The following CLN3 variants were observed in gnomAD, a reference collection of about 807,000 sequenced individuals.
CLN3 encodes CLN3 lysosomal/endosomal transmembrane protein, battenin.
CLN3 carries 49 observed loss-of-function variants against 60.7 expected under a neutral mutation model. The ratio of observed to expected loss-of-function variants is 0.81; its 90% CI spans 0.64 to 1.02. The LOEUF is 1.02. CLN3 is among the 50% of genes least tolerant of loss of function. The pLI, the probability that CLN3 is intolerant of heterozygous loss-of-function variation, is 0.00. For missense variants in CLN3, 516 were observed against 557.4 expected (o/e 0.93, Z 0.75); for synonymous variants, 256 against 245.8 (o/e 1.04, Z -0.39).
At chr16:28,491,649 C>G in intron 2 of CLN3, 65 bp downstream of exon 2, 1 of 1,613,940 alleles carries the variant, frequency 6.2e-7, no homozygotes, top group Non-Finnish European at 8.5e-7. Context: ...AGTCAGCTCT[C>G]ATTCCCCTCA....
intron 9 of CLN3, 29 bp downstream of exon 9, chr16:28,486,318 C>A (rs1243854619): frequency 6.2e-7 from 1 of 1,610,930 alleles, no homozygotes. Context: ...TCCTTGGACC[C>A]CTCTCCCTCC....
rs748293490 is a variant in CLN3, at chr16:28,487,709, G to A, written c.327C>T (p.Leu109=). 1.2e-5 allele frequency: 19 copies of A among 1,613,756 alleles called. No individual in the cohort carries two copies. The highest frequency in any genetic ancestry group is 4.4e-5 in the South Asian group (4 of 91,048). Residue 109 remains leucine, a synonymous_variant, in exon 6 of 16, where the codon CTC becomes CTT. Coordinates refer to ENST00000636147, the MANE Select transcript of CLN3 (RefSeq NM_001042432.2). The stretch of plus-strand genomic sequence containing the variant: ...CAAGAGGAGCCAACAATTTGATGAC[G>A]AGTGTGGGGAGGATGTCCGCCAGGA... ...AVLLADILPT[L]VIKLLAPLGL... is the part of the protein sequence containing the mutation.
At chr16:28,474,655 C>T (rs895878332), downstream of CLN3, among the ~76,000 whole-genome samples, 3 of 152,154 alleles carry the variant, frequency 2.0e-5, no homozygotes, top group Non-Finnish European at 4.4e-5. Context: ...ACAAAATTAC[C>T]ATCAACCCAG....
At chr16:28,474,214 C>A (rs1188576663), downstream of CLN3, 1 of 152,026 alleles carries the variant, frequency 6.6e-6, no homozygotes, top group East Asian at 1.9e-4. Flanking sequence ...CTGCAGTGAG[C>A]AGAGACTGCG....
downstream of CLN3, chr16:28,476,397 T>C (rs1361346910): frequency 1.3e-5 from 2 of 149,082 alleles, no homozygotes; most frequent in African/African-American, 4.9e-5. Context: ...AAAAAAAAAA[T>C]TAGCTGGGCT....
rs1444327872 is a variant in CLN3, at chr16:28,486,765, C to T, written c.461-115G>A. ...TCAGCTCATAGAGGCTCCAATAGAT[C>T]CCATGCATAGGCCAGGTTCCAGGTC... On this transcript the variant is annotated intron_variant, in intron 7 of 15. Coordinates refer to ENST00000636147, the MANE Select transcript of CLN3 (RefSeq NM_001042432.2). 18 of 1,002,448 alleles carry T rather than the reference C, an allele frequency of 1.8e-5. 1 individual carries two copies. In the Admixed American group the frequency reaches 3.6e-4, roughly 20 times the overall value. 62.1% of individuals were successfully genotyped at this position (1,002,448 alleles called of 1,614,324 possible).
intron 14 of CLN3, among the ~76,000 whole-genome samples, chr16:28,478,530 T>C (rs906597579): frequency 8.8e-5 from 13 of 148,268 alleles, no homozygotes; most frequent in African/African-American, 3.0e-4. Context: ...ACAGGAGGAT[T>C]GCTTGAACCT....
At chr16:28,483,349 G>A (rs748170062) in intron 10 of CLN3, among the ~76,000 whole-genome samples, 2 of 151,836 alleles carry the variant, frequency 1.3e-5, no homozygotes, top group Non-Finnish European at 2.9e-5. Context: ...AGCTTCCCAA[G>A]TAGCTGGGAC....
intron 9 of CLN3, 66 bp downstream of exon 9, chr16:28,486,281 C>T: frequency 6.2e-7 from 1 of 1,601,050 alleles, no homozygotes; most frequent in Non-Finnish European, 8.5e-7. Context: ...CGTGAGCCAC[C>T]ACACCCAGCC....
rs1266595846 is a variant in CLN3, at chr16:28,489,335, G to T, written c.177C>A (p.Ala59=). The T allele has an allele frequency of 6.2e-7, 1 of 1,613,626 alleles. No homozygotes were observed. The highest frequency in any genetic ancestry group is 1.1e-5 in the South Asian group (1 of 90,924). ...TCCTCTTGTGGCTAAGGATGTCGTGGGCGGCACTCAGCATCACCACATAAG... is the reference window on the plus strand; with the variant it reads ...TCCTCTTGTGGCTAAGGATGTCGTGTGCGGCACTCAGCATCACCACATAAG... ...NFSYVVMLSA[A]HDILSHKRTS... Residue 59 remains alanine, a synonymous_variant, in exon 4 of 16, where the codon GCC becomes GCA. Coordinates refer to ENST00000636147, the MANE Select transcript of CLN3 (RefSeq NM_001042432.2).
chr16:28,476,593 T>G (rs2045998796), downstream of CLN3: 1 of 152,082 alleles, frequency 6.6e-6, no homozygotes, highest in Middle Eastern at 3.2e-3. Flanking sequence ...GTGCCAACCC[T>G]GCCATTCATT....
intron 9 of CLN3, 95 bp downstream of exon 9, chr16:28,486,252 A>G (rs1221247166): frequency 9.7e-6 from 15 of 1,549,882 alleles, no homozygotes; most frequent in African/African-American, 5.4e-5. Flanking sequence ...TTGGCCTCCC[A>G]AAGTGCTGGG....
chr16:28,481,417 A>AACACACATAC (rs1443738755), intron 14 of CLN3, among the ~76,000 whole-genome samples: 10 of 129,676 alleles, frequency 7.7e-5, no homozygotes, highest in African/African-American at 2.9e-4. Flanking sequence ...CAATGCTTAA[A>AACACACATAC]ACACACACAC....
chr16:28,491,311 A>G (rs554563224), intron 3 of CLN3, among the ~76,000 whole-genome samples, 171 bp downstream of exon 3: 3 of 152,298 alleles, frequency 2.0e-5, no homozygotes, highest in African/African-American at 7.2e-5. Context: ...GGAAGGTGAT[A>G]AGGAGTGAAG....
chr16:28,477,658 T>C, intron 15 of CLN3, 23 bp from the exon 16 acceptor site: 1 of 1,613,810 alleles, frequency 6.2e-7, no homozygotes, highest in Non-Finnish European at 8.5e-7. Flanking sequence ...AGAGCAGGGG[T>C]GAGGCTTCAG....
chr16:28,471,425 A>C (rs2141687449), downstream of CLN3, among the ~76,000 whole-genome samples: 1 of 106,944 alleles, frequency 9.4e-6, no homozygotes, highest in East Asian at 2.5e-4. Flanking sequence ...ACATTTACAA[A>C]AATTAACCTG....
At chr16:28,487,208 G>A (rs1856530024) in intron 7 of CLN3, 1 of 585,070 alleles carries the variant, frequency 1.7e-6, no homozygotes, top group African/African-American at 1.9e-5. Flanking sequence ...ACTGTGCCTG[G>A]TCCATCACAG....
At chr16:28,486,743 G>T in intron 7 of CLN3, 93 bp from the exon 8 acceptor site, 1 of 1,185,892 alleles carries the variant, frequency 8.4e-7, no homozygotes, top group Non-Finnish European at 1.2e-6. Context: ...CTCAGTATCA[G>T]CTCATAGAGG....
chr16:28,487,911 C>T, intron 5 of CLN3, 170 bp from the exon 6 acceptor site: 1 of 651,030 alleles, frequency 1.5e-6, no homozygotes, highest in Non-Finnish European at 2.8e-6. Flanking sequence ...AGTTGTGTGT[C>T]AAGAGTTTAT....
Sources: gnomAD v4.1 joint callset for allele counts (sites outside exome capture counted in the v4.1 genomes callset) on GRCh38, gnomAD v4.1.1 for gene constraint, MANE v1.5 for transcripts, NCBI Gene and HGNC (gene_info 2026-07-23, HGNC 2026-07-21) for gene names.